ZNF770: variants seen among roughly 807,000 people sequenced by gnomAD.
The protein encoded by ZNF770 is zinc finger protein 770.
ZNF770 carries 13 observed loss-of-function variants against 44.8 expected under a neutral mutation model. The ratio of observed to expected loss-of-function variants is 0.29; its 90% CI spans 0.19 to 0.46. The LOEUF (loss-of-function observed/expected upper bound fraction) is 0.46. Ranked by LOEUF, ZNF770 falls within the 20% of genes least tolerant of loss-of-function variation. The pLI, the probability that ZNF770 is intolerant of heterozygous loss-of-function variation, is 1.00. For missense variants in ZNF770, 681 were observed against 797.9 expected (o/e 0.85, Z 1.77); for synonymous variants, 304 against 271.8 (o/e 1.12, Z -1.17).
Position 34,979,611 on chromosome 15 carries a change from A to G in ZNF770, c.*1748T>C. 1 of 449,224 alleles carries G rather than the reference A, an allele frequency of 2.2e-6. No individual in the cohort carries two copies. The highest frequency in any genetic ancestry group is 4.5e-6 in the Non-Finnish European group (1 of 224,320). The allele number at this position is 449,224 out of a possible 1,614,324, so 27.8% of individuals were successfully genotyped here. A position where few individuals can be genotyped will look rare whatever the true frequency, so the allele number is the denominator to read the frequency against. The stretch of plus-strand genomic sequence containing the variant: ...GTAAATTAAACCCAAGTTACTTAAA[A>G]ATCACCTGTGGTAAAAGAAGCAAGC... On this transcript the variant is annotated 3_prime_UTR_variant, in exon 3 of 3. Transcript: ENST00000356321.
rs1252107138 is a variant in ZNF770, at chr15:34,979,171, C to T, written c.*2188G>A. On this transcript the variant is annotated 3_prime_UTR_variant, in exon 3 of 3. Coordinates refer to ENST00000356321, the MANE Select transcript of ZNF770 (RefSeq NM_014106.4). ...ATAAAGTATAGTAGTATCACTTACG[C>T]AAATAAAGTCTCAGAATCATACAAG... 6.5e-6 allele frequency: 1 copy of T among 152,942 alleles called. No individual in the cohort carries two copies. Among genetic ancestry groups the T allele is most frequent in the East Asian group, 1.9e-4 (1 of 5,196 alleles). The allele number at this position is 152,942 out of a possible 1,614,324, so 9.5% of individuals were successfully genotyped here. A position where few individuals can be genotyped will look rare whatever the true frequency, so the allele number is the denominator to read the frequency against.
At position 34,981,346 on chromosome 15, in the gene ZNF770, T is replaced by C. The variant is rs374643121; in HGVS notation, c.*13A>G. The C allele has an allele frequency of 5.0e-6, 8 of 1,592,580 alleles. No homozygotes were observed. The highest frequency in any genetic ancestry group is 6.8e-6 in the Non-Finnish European group (8 of 1,173,486). On this transcript the variant is annotated 3_prime_UTR_variant, in exon 3 of 3. Coordinates refer to ENST00000356321, the MANE Select transcript of ZNF770 (RefSeq NM_014106.4). ...GATCACCAGAGACCACAATTGTTAG[T>C]GGTTGCGACAATTTACATAACCGAA...
At chr15:34,985,770 T>C (rs1012985729) in intron 2 of ZNF770, among the ~76,000 whole-genome samples, 3 of 151,966 alleles carry the variant, frequency 2.0e-5, no homozygotes, top group Non-Finnish European at 4.4e-5. Flanking sequence ...GGTACATGCC[T>C]GTAATTTCAG....
chr15:34,987,835 C>T (rs1024089499), intron 1 of ZNF770, among the ~76,000 whole-genome samples, 162 bp from the exon 2 acceptor site: 5 of 152,142 alleles, frequency 3.3e-5, no homozygotes, highest in Non-Finnish European at 7.3e-5. Flanking sequence ...GTTCTAAAGG[C>T]CCACAACCAA....
intron 2 of ZNF770, among the ~76,000 whole-genome samples, chr15:34,984,320 C>T (rs963629045): frequency 1.3e-5 from 2 of 152,096 alleles, no homozygotes; most frequent in African/African-American, 4.8e-5. Flanking sequence ...CATTTTTAAG[C>T]GTTTCTCAAT....
At chr15:34,986,977 C>A (rs764029547) in intron 2 of ZNF770, among the ~76,000 whole-genome samples, 11 of 152,234 alleles carry the variant, frequency 7.2e-5, no homozygotes, top group Non-Finnish European at 1.5e-4. Flanking sequence ...GACAGCTTGG[C>A]CCTTGAGGCC....
rs1268888794 is a variant in ZNF770 at position 34,980,121 on chromosome 15, C to T, written c.*1238G>A. ...CATTGCCATTTGATCAAACTTAGAACAGGCTTAAATAACAGAACCACTCCA... is the reference window on the plus strand; with the variant it reads ...CATTGCCATTTGATCAAACTTAGAATAGGCTTAAATAACAGAACCACTCCA... On this transcript the variant is annotated 3_prime_UTR_variant, in exon 3 of 3. Transcript: ENST00000356321. 1 of 154,338 alleles carries T rather than the reference C, an allele frequency of 6.5e-6. No homozygotes were observed. Among genetic ancestry groups the T allele is most frequent in the Non-Finnish European group, 1.4e-5 (1 of 69,466 alleles). 9.6% of individuals were successfully genotyped at this position (154,338 alleles called of 1,614,324 possible). A position where few individuals can be genotyped will look rare whatever the true frequency, so the allele number is the denominator to read the frequency against.
In ZNF770 at chr15:34,982,951, A is replaced by G; in HGVS notation, c.484T>C (p.Cys162Arg). 2 of 1,614,118 alleles carry G rather than the reference A, an allele frequency of 1.2e-6. No individual in the cohort carries two copies. Among genetic ancestry groups the G allele is most frequent in the South Asian group, 1.1e-5 (1 of 91,078 alleles). The part of the protein sequence containing the change: ...SMKRRKNIHA[C>R]TICGKMFPSQ... ...GGAAACATCTTGCCACAGATTGTAC[A>G]TGCATGAATATTCTTTCTTCTTTTC... Residue 162 changes from cysteine to arginine, a missense_variant, in exon 3 of 3, where the codon TGT becomes CGT. This residue lies in a region of ZNF770 where 432 missense variants were observed against 434.1 expected (regional missense o/e 1.00). Coordinates refer to ENST00000356321, the MANE Select transcript of ZNF770 (RefSeq NM_014106.4).
chr15:34,982,643 A>G lies in ZNF770; in HGVS notation c.792T>C (p.Asn264=). 6.2e-7 allele frequency: 1 copy of G among 1,612,894 alleles called. No homozygotes were observed. Among genetic ancestry groups the G allele is most frequent in the Non-Finnish European group, 8.5e-7 (1 of 1,179,962 alleles). ...CATTTTCAAAACCACCCTGATTTGCATTTAACTTATTAGGCAGGGGGCGAG... is the reference window on the plus strand; with the variant it reads ...CATTTTCAAAACCACCCTGATTTGCGTTTAACTTATTAGGCAGGGGGCGAG... ...TESRPLPNKL[N]ANQGGFENGE... is the part of the protein sequence containing the mutation. The change falls in exon 3 of 3, where the codon AAT becomes AAC. Residue 264 remains asparagine (N), a synonymous_variant. Transcript: ENST00000356321.
chr15:34,980,132 A>T lies in ZNF770; in HGVS notation c.*1227T>A, dbSNP rs190764462. On this transcript the variant is annotated 3_prime_UTR_variant, in exon 3 of 3. Transcript: ENST00000356321. ...GATCAAACTTAGAACAGGCTTAAAT[A>T]ACAGAACCACTCCATTAAAGAGGCA... 331 of 153,328 alleles carry T rather than the reference A, an allele frequency of 2.2e-3. 2 individuals are homozygous for T. The highest frequency in any genetic ancestry group is 7.7e-3 in the African/African-American group (320 of 41,596). 9.5% of individuals were successfully genotyped at this position (153,328 alleles called of 1,614,324 possible). A position where few individuals can be genotyped will look rare whatever the true frequency, so the allele number is the denominator to read the frequency against.
At chr15:34,985,120 C>T (rs902152567) in intron 2 of ZNF770, among the ~76,000 whole-genome samples, 1 of 131,362 alleles carries the variant, frequency 7.6e-6, no homozygotes, top group Non-Finnish European at 1.5e-5. Context: ...GGCAACAGAG[C>T]GAGAGACTGT....
At chr15:34,985,881 A>G (rs1175260251) in intron 2 of ZNF770, among the ~76,000 whole-genome samples, 1 of 152,182 alleles carries the variant, frequency 6.6e-6, no homozygotes, top group Admixed American at 6.5e-5. Context: ...TGGGAGACAG[A>G]GCAAGACTCT....
At position 34,981,750 on chromosome 15, in the gene ZNF770, T is replaced by C; in HGVS notation, c.1685A>G (p.Gln562Arg). Reference sequence around the variant, plus strand: ...CTCGTATTTTTGAACACCAGGAGCCTGACATTGTTGGGAAGCATTATAGTT... The same window carrying C: ...CTCGTATTTTTGAACACCAGGAGCCCGACATTGTTGGGAAGCATTATAGTT... ...NVNYNASQQC[Q>R]APGVQKYEVS... Residue 562 changes from glutamine (Q) to arginine (R), a missense_variant, in exon 3 of 3, where the codon CAG becomes CGG. Gln to Arg is a conservative substitution (Grantham distance 43). This residue lies in a region of ZNF770 where 148 missense variants were observed against 191.0 expected (regional missense o/e 0.77). Coordinates refer to ENST00000356321, the MANE Select transcript of ZNF770 (RefSeq NM_014106.4). The C allele has an allele frequency of 6.2e-7, 1 of 1,614,162 alleles. No individual in the cohort carries two copies. The highest frequency in any genetic ancestry group is 8.5e-7 in the Non-Finnish European group (1 of 1,180,036).
Position 34,980,849 on chromosome 15 carries a change from TTAAC to T in ZNF770, c.*506_*509del. 8.8e-6 allele frequency: 1 copy of T among 113,326 alleles called. No individual in the cohort carries two copies. The highest frequency in any genetic ancestry group is 1.7e-5 in the Non-Finnish European group (1 of 60,574). 7.0% of individuals were successfully genotyped at this position (113,326 alleles called of 1,614,324 possible). The stretch of plus-strand genomic sequence containing the variant: ...CACCTTTAGTGTCTCTGTAGTTTTT[TTAAC>T]TTACAAAAAAAAAAAAAAAATTACC... On this transcript the variant is annotated 3_prime_UTR_variant, in exon 3 of 3. Transcript: ENST00000356321.
chr15:34,984,329 A>T (rs141270879), intron 2 of ZNF770, among the ~76,000 whole-genome samples: 214 of 152,348 alleles, frequency 1.4e-3, no homozygotes, highest in African/African-American at 4.8e-3. Flanking sequence ...GCGTTTCTCA[A>T]TAAGAGATAA....
At position 34,981,304 on chromosome 15, in the gene ZNF770, ACAGG is replaced by A. The variant is rs2050399646; in HGVS notation, c.*51_*54del. The A allele has an allele frequency of 3.9e-5, 58 of 1,489,646 alleles. No homozygotes were observed. The highest frequency in any genetic ancestry group is 5.1e-5 in the Non-Finnish European group (57 of 1,123,466). 92.3% of individuals were successfully genotyped at this position (1,489,646 alleles called of 1,614,324 possible). ...TCAATAAAAATGCATTTTAAATAAT[ACAGG>A]CTTTAAAAATAAGATCACCAGAGAC... On this transcript the variant is annotated 3_prime_UTR_variant, in exon 3 of 3. Transcript: ENST00000356321.
At chr15:34,983,792 T>G (rs1046258000) in intron 2 of ZNF770, among the ~76,000 whole-genome samples, 6 of 152,238 alleles carry the variant, frequency 3.9e-5, no homozygotes, top group Admixed American at 6.5e-5. Context: ...ATATTTTAAT[T>G]CCAATTTTCC....
Position 34,988,250 on chromosome 15 carries a change from A to G in ZNF770, c.-308T>C, listed in dbSNP as rs2050448497. The G allele has an allele frequency of 2.0e-5, 3 of 152,292 alleles. No homozygotes were observed. The highest frequency in any genetic ancestry group is 4.8e-5 in the African/African-American group (2 of 41,568). 9.4% of individuals were successfully genotyped at this position (152,292 alleles called of 1,614,324 possible). On this transcript the variant is annotated 5_prime_UTR_variant, in exon 1 of 3. Transcript: ENST00000356321. ...CGCACCTCAGGCCCAGGTGCCGCGA[A>G]GGCAGCGCGCGCACGTCCGCAGGGC...
chr15:34,983,623 A>AT (rs2050416848), intron 2 of ZNF770, 133 bp from the exon 3 acceptor site: 1 of 389,936 alleles, frequency 2.6e-6, no homozygotes, highest in Non-Finnish European at 4.5e-6. Context: ...GTTAATAATC[A>AT]TTTTAAGTAA....
Sources: allele counts gnomAD v4.1 joint callset (sites outside exome capture counted in the v4.1 genomes callset), GRCh38; gene constraint gnomAD v4.1.1; regional missense constraint gnomAD v4.1.1; transcripts MANE v1.5; gene names NCBI Gene and HGNC (gene_info 2026-07-23, HGNC 2026-07-21).